KDM8: variants seen among roughly 807,000 people sequenced by gnomAD.
The protein encoded by KDM8 is lysine demethylase 8, also known as bifunctional peptidase and arginyl-hydroxylase JMJD5.
Under a neutral mutation model 46.9 loss-of-function variants are expected in KDM8, and 35 were observed. The observed-to-expected ratio is 0.75, with a 90% CI of 0.57 to 0.99. KDM8 has a LOEUF of 0.99. Ranked by LOEUF, KDM8 falls within the 50% of genes least tolerant of loss-of-function variation. KDM8 has a pLI of 0.00. For synonymous variants in KDM8, 232 were observed against 227.7 expected (o/e 1.02, Z -0.17); for missense variants, 475 against 537.0 (o/e 0.88, Z 1.14).
chr16:27,211,085 G>T (rs2083479272), intron 2 of KDM8: 2 of 452,750 alleles, frequency 4.4e-6, no homozygotes, highest in Admixed American at 4.8e-5. Context: ...AGCCCCCATT[G>T]ACTTTGGAAA....
chr16:27,210,901 T>C lies in KDM8; in HGVS notation c.498+280T>C, dbSNP rs569259789. On this transcript the variant is annotated intron_variant, in intron 2 of 7. Coordinates refer to ENST00000286096, the MANE Select transcript of KDM8 (RefSeq NM_024773.3). ...CCTCAGCCTCCTTAGTAGCTGGAACTATGGGTGCATGGCACCACACCCAGC... is the reference window on the plus strand; with the variant it reads ...CCTCAGCCTCCTTAGTAGCTGGAACCATGGGTGCATGGCACCACACCCAGC... 2.0e-5 allele frequency among the ~76,000 whole-genome samples: 3 copies of C among 152,340 alleles called. No individual in the cohort carries two copies. The East Asian group carries it at 5.8e-4, about 29-fold the overall frequency.
At chr16:27,213,326 C>T (rs1349439902) in intron 2 of KDM8, 1 of 341,726 alleles carries the variant, frequency 2.9e-6, no homozygotes, top group Admixed American at 4.5e-5. Context: ...AGTAAGTTTT[C>T]CTTTATTGCA....
intron 2 of KDM8, chr16:27,211,465 G>T: frequency 3.8e-6 from 1 of 262,580 alleles, no homozygotes; most frequent in South Asian, 3.9e-5. Context: ...TTCAGGTCCT[G>T]GTGCCAACAC....
At position 27,221,654 on chromosome 16, in the gene KDM8, A is replaced by T. The variant is rs144602341; in HGVS notation, c.*924A>T. On this transcript the variant is annotated 3_prime_UTR_variant, in exon 8 of 8. Transcript: ENST00000286096. ...GAGAGCCAGGCTCTATGCTTTCTGT[A>T]ATTGTGTCTCGTTTGTGTGCACGCA... 3.8e-4 allele frequency: 58 copies of T among 152,342 alleles called. No individual in the cohort carries two copies. Among genetic ancestry groups the T allele is most frequent in the African/African-American group, 1.4e-3 (58 of 41,556 alleles). The allele number at this position is 152,342 out of a possible 1,614,324, so 9.4% of individuals were successfully genotyped here.
chr16:27,204,180 G>C, intron 1 of KDM8: 1 of 1,495,412 alleles, frequency 6.7e-7, no homozygotes, highest in Non-Finnish European at 8.9e-7. Context: ...TGCGGGGTAC[G>C]GGGGACCCTC....
chr16:27,220,595 G>T lies in KDM8; in HGVS notation c.1116G>T (p.Lys372Asn), dbSNP rs771701330. 1.9e-6 allele frequency: 3 copies of T among 1,614,186 alleles called. No individual in the cohort carries two copies. The South Asian group carries it at 3.3e-5, about 18-fold the overall frequency. The change falls in exon 8 of 8, where the codon AAG becomes AAT. Residue 372 changes from lysine to asparagine, a missense_variant. Physicochemically the swap from Lys to Asn is moderately conservative, Grantham distance 94. Coordinates refer to ENST00000286096, the MANE Select transcript of KDM8 (RefSeq NM_024773.3). The stretch of plus-strand genomic sequence containing the variant: ...ACGTGGAGAATCCCGACCTGGAAAA[G>T]TTCCCCAAGTTTGCCAAGGCCCCAT... The part of the protein sequence containing the change: ...QVDVENPDLE[K>N]FPKFAKAPFL...
At chr16:27,203,996 T>TA in intron 1 of KDM8, 1 of 1,017,664 alleles carries the variant, frequency 9.8e-7, no homozygotes, top group South Asian at 1.5e-5. Context: ...GCGGGTTTTA[T>TA]ACTCTGCTAT....
rs755084886 is a variant in KDM8 at position 27,220,373 on chromosome 16, G to A, written c.994-20G>A. On this transcript the variant is annotated intron_variant, in intron 6 of 7. Transcript: ENST00000286096. ...AGTGGAGTGAGGCCACCAGCTGACT[G>A]TCAGGGTCTCTCTCCCCAGGTGATG... 1 of 1,609,002 alleles carries A rather than the reference G, an allele frequency of 6.2e-7. No homozygotes were observed. Among genetic ancestry groups the A allele is most frequent in the South Asian group, 1.1e-5 (1 of 90,978 alleles).
chr16:27,213,994 A>C, intron 3 of KDM8: 1 of 448,864 alleles, frequency 2.2e-6, no homozygotes, highest in Non-Finnish European at 3.9e-6. Flanking sequence ...ATGAGTCCCT[A>C]AGTGGCAGTC....
At chr16:27,216,275 G>A (rs2083551728) in intron 5 of KDM8, 2 of 524,084 alleles carry the variant, frequency 3.8e-6, no homozygotes, top group Admixed American at 3.1e-5. Flanking sequence ...GCAAGGAGAG[G>A]TGATGCTGGC....
At chr16:27,204,137 A>G (rs772542798) in intron 1 of KDM8, 2 of 1,540,884 alleles carry the variant, frequency 1.3e-6, no homozygotes, top group African/African-American at 2.8e-5. Context: ...CTGAGGAGGG[A>G]AGGGGGTCTG....
Position 27,220,635 on chromosome 16 carries a change from C to T in KDM8, c.1156C>T (p.Leu386=). 1 of 1,614,200 alleles carries T rather than the reference C, an allele frequency of 6.2e-7. No homozygotes were observed. The highest frequency in any genetic ancestry group is 8.5e-7 in the Non-Finnish European group (1 of 1,180,026). The change falls in exon 8 of 8, where the codon CTG becomes TTG. Residue 386 remains leucine, a synonymous_variant. Transcript: ENST00000286096. ...FAKAPFLSCI[L]SPGEILFIPV... ...CAAGGCCCCATTCCTGTCCTGCATC[C>T]TGTCTCCTGGAGAGATCCTGTTCAT...
intron 1 of KDM8, among the ~76,000 whole-genome samples, chr16:27,206,457 A>C (rs1367339929): frequency 6.6e-6 from 1 of 152,150 alleles, no homozygotes; most frequent in African/African-American, 2.4e-5. Flanking sequence ...TTTTTATTAG[A>C]GATGGGTTTT....
At position 27,220,712 on chromosome 16, in the gene KDM8, C is replaced by T; in HGVS notation, c.1233C>T (p.Val411=). 11 of 1,614,210 alleles carry T rather than the reference C, an allele frequency of 6.8e-6. No individual in the cohort carries two copies. Among genetic ancestry groups the T allele is most frequent in the Non-Finnish European group, 9.3e-6 (11 of 1,180,044 alleles). Reference sequence around the variant, plus strand: ...GGGCTCTGGATTTGAGCTTCTCGGTCAGCTTCTGGTGGTCGTAGCCAGGAT... The same window carrying T: ...GGGCTCTGGATTTGAGCTTCTCGGTTAGCTTCTGGTGGTCGTAGCCAGGAT... ...YVRALDLSFS[V]SFWWS is the part of the protein sequence containing the mutation. The change falls in exon 8 of 8, where the codon GTC becomes GTT. Residue 411 remains valine (V), a synonymous_variant. Transcript: ENST00000286096.
intron 1 of KDM8, among the ~76,000 whole-genome samples, chr16:27,209,269 T>C (rs1292678659): frequency 6.6e-6 from 1 of 152,256 alleles, no homozygotes; most frequent in East Asian, 1.9e-4. Flanking sequence ...GATCTTGCTC[T>C]GTCACCCAGG....
chr16:27,210,794 G>A (rs1180427787), intron 2 of KDM8, among the ~76,000 whole-genome samples, 173 bp downstream of exon 2: 5 of 152,192 alleles, frequency 3.3e-5, no homozygotes, highest in Non-Finnish European at 5.9e-5. Flanking sequence ...GCAGGGTCCC[G>A]TTCTGTCGCC....
At chr16:27,215,398 A>T (rs377662328) in intron 4 of KDM8, among the ~76,000 whole-genome samples, 1 of 152,134 alleles carries the variant, frequency 6.6e-6, no homozygotes. Context: ...TGGGAAACAT[A>T]GTGAAACCCT....
Position 27,220,571 on chromosome 16 carries a change from C to A in KDM8, c.1092C>A (p.Asp364Glu). The A allele has an allele frequency of 6.2e-7, 1 of 1,614,126 alleles. No individual in the cohort carries two copies. The highest frequency in any genetic ancestry group is 8.5e-7 in the Non-Finnish European group (1 of 1,180,024). ...THLLHNTSQV[D>E]VENPDLEKFP... ...ACGTCCTTTGCTTTCTTCAGGTTGA[C>A]GTGGAGAATCCCGACCTGGAAAAGT... Residue 364 changes from aspartate (D) to glutamate (E), a missense_variant, in exon 8 of 8, where the codon GAC (aspartate) becomes GAA (glutamate). Transcript: ENST00000286096.
intron 6 of KDM8, 31 bp downstream of exon 6, chr16:27,219,141 T>G (rs767441350): frequency 1.9e-5 from 30 of 1,574,442 alleles, no homozygotes; most frequent in Non-Finnish European, 2.6e-5. Flanking sequence ...AGTGGCCTTC[T>G]AACTCCTCCT....
Sources: allele counts gnomAD v4.1 joint callset (sites outside exome capture counted in the v4.1 genomes callset), GRCh38; gene constraint gnomAD v4.1.1; transcripts MANE v1.5; gene names NCBI Gene and HGNC (gene_info 2026-07-23, HGNC 2026-07-21).